The following DCC variants were observed in gnomAD, a reference collection of about 807,000 sequenced individuals.
DCC encodes netrin receptor DCC.
Under a neutral mutation model 172.5 loss-of-function variants are expected in DCC, and 58 were observed. The ratio of observed to expected loss-of-function variants is 0.34; its 90% CI spans 0.27 to 0.42. DCC has a LOEUF of 0.42. Among genes scored for constraint, DCC ranks in the 10% least tolerant of loss-of-function variants. The probability of loss-of-function intolerance (pLI) is 1.00; values close to 1 mark genes in which losing one functional copy is unlikely to be tolerated. For synonymous variants in DCC, 709 were observed against 644.5 expected (o/e 1.10, Z -1.52); for missense variants, 1,740 against 1,791.0 (o/e 0.97, Z 0.51).
chr18:52,378,838 G>A (rs1440859072), intron 1 of DCC, among the ~76,000 whole-genome samples: 1 of 152,116 alleles, frequency 6.6e-6, no homozygotes, highest in Non-Finnish European at 1.5e-5. Flanking sequence ...GTGAGCCACT[G>A]AGCCTGGCTT....
In DCC at chr18:52,850,317, GAGTTCAGCAATT is replaced by G. The variant is rs2038955964; in HGVS notation, c.413-55724_413-55713del. On this transcript the variant is annotated intron_variant, in intron 2 of 28. Coordinates refer to ENST00000442544, the MANE Select transcript of DCC (RefSeq NM_005215.4). ...ATAAGAAATTCAAGAGCAGCATAATGAGTTCAGCAATTAGCTTTAACTTTTCGGAAACATTTC... is the reference window on the plus strand; with the variant it reads ...ATAAGAAATTCAAGAGCAGCATAATGAGCTTTAACTTTTCGGAAACATTTC... 2.0e-5 allele frequency among the ~76,000 whole-genome samples: 3 copies of G among 152,162 alleles called. No homozygotes were observed. In the South Asian group the frequency reaches 6.2e-4, roughly 31 times the overall value.
At chr18:52,562,482 T>A (rs771394456) in intron 1 of DCC, among the ~76,000 whole-genome samples, 41 of 152,162 alleles carry the variant, frequency 2.7e-4, no homozygotes, top group Admixed American at 6.6e-4. Flanking sequence ...ATAGAGTTTG[T>A]TTAATATTTA....
intron 1 of DCC, among the ~76,000 whole-genome samples, chr18:52,584,489 G>A (rs187440939): frequency 1.0e-3 from 152 of 152,192 alleles, no homozygotes; most frequent in Non-Finnish European, 1.8e-3. Flanking sequence ...TAGTTTGCAG[G>A]GACTCTCAGT....
intron 9 of DCC, among the ~76,000 whole-genome samples, chr18:53,204,077 ACATTT>A (rs1204092753): frequency 1.4e-5 from 2 of 140,930 alleles, no homozygotes; most frequent in African/African-American, 6.4e-5. Context: ...ATATATAGTT[ACATTT>A]GATTAACAAT....
intron 2 of DCC, among the ~76,000 whole-genome samples, chr18:52,868,621 T>C (rs1444098051): frequency 1.3e-5 from 2 of 152,226 alleles, no homozygotes; most frequent in South Asian, 2.1e-4. Context: ...AATAGTGTTA[T>C]GGGATCTTTG....
chr18:53,161,859 A>G (rs1014417714), intron 8 of DCC, among the ~76,000 whole-genome samples: 2 of 152,224 alleles, frequency 1.3e-5, no homozygotes, highest in East Asian at 3.8e-4. Context: ...ATAGTATACC[A>G]GGTTTTGTTA....
At chr18:53,011,885 C>T (rs576386892) in intron 5 of DCC, among the ~76,000 whole-genome samples, 8 of 151,528 alleles carry the variant, frequency 5.3e-5, no homozygotes, top group East Asian at 1.9e-4. Flanking sequence ...TTTATAAATA[C>T]GTTACAAAAT....
chr18:53,136,998 T>C (rs1269316552), intron 7 of DCC, among the ~76,000 whole-genome samples: 1 of 152,232 alleles, frequency 6.6e-6, no homozygotes, highest in Non-Finnish European at 1.5e-5. Context: ...TGAGTTTTTT[T>C]CTAGTTGACT....
chr18:53,409,378 GA>G (rs1367713842), intron 19 of DCC, among the ~76,000 whole-genome samples: 1 of 152,128 alleles, frequency 6.6e-6, no homozygotes, highest in Non-Finnish European at 1.5e-5. Flanking sequence ...TTGTTCTTAA[GA>G]AAACGACTTA....
chr18:52,508,123 A>G (rs959112436), intron 1 of DCC, among the ~76,000 whole-genome samples: 1 of 151,884 alleles, frequency 6.6e-6, no homozygotes, highest in African/African-American at 2.4e-5. Flanking sequence ...TATTATTATT[A>G]TTTCATCCTA....
At chr18:53,017,687 C>T (rs535144306) in intron 5 of DCC, among the ~76,000 whole-genome samples, 1 of 152,260 alleles carries the variant, frequency 6.6e-6, no homozygotes, top group Non-Finnish European at 1.5e-5. Context: ...AAAATGTATA[C>T]ATGCTCATAG....
chr18:52,531,387 A>G (rs1223270653), intron 1 of DCC, among the ~76,000 whole-genome samples: 2 of 152,232 alleles, frequency 1.3e-5, no homozygotes, highest in Admixed American at 6.5e-5. Context: ...TACATTTGCC[A>G]AAACTTAGTT....
chr18:53,097,109 C>G (rs555949865), intron 7 of DCC, among the ~76,000 whole-genome samples: 28 of 152,302 alleles, frequency 1.8e-4, no homozygotes, highest in African/African-American at 6.3e-4. Flanking sequence ...AGTTGTATTA[C>G]TGTGCCCATG....
intron 22 of DCC, among the ~76,000 whole-genome samples, chr18:53,435,830 T>C (rs1381440818): frequency 6.6e-6 from 1 of 152,202 alleles, no homozygotes. Flanking sequence ...GTGTGGGGGC[T>C]GCATTCCAGG....
intron 7 of DCC, among the ~76,000 whole-genome samples, chr18:53,116,008 G>C (rs2043404120): frequency 6.6e-6 from 1 of 151,488 alleles, no homozygotes; most frequent in Non-Finnish European, 1.5e-5. Context: ...AAGTAGATTA[G>C]ATAAATTTAT....
intron 1 of DCC, among the ~76,000 whole-genome samples, chr18:52,637,455 T>A (rs905704222): frequency 1.3e-5 from 2 of 151,820 alleles, no homozygotes; most frequent in Admixed American, 1.3e-4. Context: ...AGGAAATAGA[T>A]AGCCTAAAGA....
chr18:53,104,946 GCAGA>G, intron 7 of DCC, among the ~76,000 whole-genome samples: 1 of 151,976 alleles, frequency 6.6e-6, no homozygotes, highest in Non-Finnish European at 1.5e-5. Context: ...CCACATGGGA[GCAGA>G]CAGAGAAGAA....
intron 1 of DCC, among the ~76,000 whole-genome samples, chr18:52,659,720 C>G (rs1388137961): frequency 6.6e-6 from 1 of 152,078 alleles, no homozygotes; most frequent in Admixed American, 6.5e-5. Flanking sequence ...GAACCCAATA[C>G]ATTTTTTGTT....
chr18:53,099,235 C>G (rs189560880), intron 7 of DCC, among the ~76,000 whole-genome samples: 46 of 152,028 alleles, frequency 3.0e-4, no homozygotes, highest in Middle Eastern at 3.4e-3. Context: ...TTTTCTTCCC[C>G]CTATGTATTT....
Sources: allele counts gnomAD v4.1 joint callset (sites outside exome capture counted in the v4.1 genomes callset), GRCh38; gene constraint gnomAD v4.1.1; transcripts MANE v1.5; gene names NCBI Gene and HGNC (gene_info 2026-07-23, HGNC 2026-07-21).